JMJD1C: variants seen among roughly 807,000 people sequenced by gnomAD.
JMJD1C encodes jumonji domain-containing protein 1C.
In JMJD1C, 31 loss-of-function variants were observed where a neutral mutation model predicts 245.3. The ratio of observed to expected loss-of-function variants is 0.13; its 90% CI spans 0.09 to 0.17. The LOEUF (loss-of-function observed/expected upper bound fraction) is 0.17, where lower values mean the gene tolerates loss of function less well. JMJD1C is among the 10% of genes least tolerant of loss of function. JMJD1C has a pLI of 1.00. For synonymous variants in JMJD1C, 1,057 were observed against 1,017.4 expected, an observed-to-expected ratio of 1.04 and a Z score of -0.74; for missense variants, 2,691 against 3,000.2, an observed-to-expected ratio of 0.90 and a Z score of 2.41.
intron 1 of JMJD1C, among the ~76,000 whole-genome samples, chr10:63,384,877 T>A (rs1201073766): frequency 6.6e-6 from 1 of 152,184 alleles, no homozygotes; most frequent in African/African-American, 2.4e-5. Context: ...CAAAAGCTGT[T>A]CCTTGGCAAT....
At chr10:63,287,042 C>G (rs1858069278) in intron 2 of JMJD1C, among the ~76,000 whole-genome samples, 1 of 152,106 alleles carries the variant, frequency 6.6e-6, no homozygotes, top group South Asian at 2.1e-4. Context: ...GAGATCTTGT[C>G]TCTACAAAAA....
rs149629089 is a variant in JMJD1C, at chr10:63,180,356, T to C, written c.7085-2500A>G. On this transcript the variant is annotated intron_variant, in intron 22 of 25. Coordinates refer to ENST00000399262, the MANE Select transcript of JMJD1C (RefSeq NM_032776.3). ...ATGTGCGAGGCACTGTCCTAGGAAG[T>C]TGGGAATTAGAATTAAGAAAGATCC... is the stretch of plus-strand genomic sequence containing the variant. Among the ~76,000 whole-genome samples the C allele has an allele frequency of 3.2e-3, 492 of 152,242 alleles. 3 individuals carry two copies. Among genetic ancestry groups the C allele is most frequent in the African/African-American group, 0.011 (476 of 41,526 alleles).
chr10:63,263,984 A>G (rs9414784), intron 3 of JMJD1C, among the ~76,000 whole-genome samples: 1 of 112,662 alleles, frequency 8.9e-6, no homozygotes, highest in East Asian at 2.4e-4. Context: ...ACACACACAC[A>G]CACACACACA....
intron 3 of JMJD1C, among the ~76,000 whole-genome samples, chr10:63,257,312 G>C (rs774194693): frequency 6.6e-6 from 1 of 152,008 alleles, no homozygotes; most frequent in South Asian, 2.1e-4. Flanking sequence ...AAATGATCCT[G>C]GTTTTCCAAT....
chr10:63,173,438 C>A (rs1842577275), intron 24 of JMJD1C, among the ~76,000 whole-genome samples: 1 of 152,130 alleles, frequency 6.6e-6, no homozygotes, highest in African/African-American at 2.4e-5. Flanking sequence ...ATGGAAAAAA[C>A]CAGCCAGGTG....
At chr10:63,420,600 G>A (rs1030011753) in intron 1 of JMJD1C, among the ~76,000 whole-genome samples, 1 of 151,658 alleles carries the variant, frequency 6.6e-6, no homozygotes, top group South Asian at 2.1e-4. Context: ...AGCTACATGG[G>A]GGGTGGGGGG....
chr10:63,465,874 G>A lies in JMJD1C; in HGVS notation c.-212C>T, dbSNP rs570406599. 1 of 678,290 alleles carries A rather than the reference G, an allele frequency of 1.5e-6. No individual in the cohort carries two copies. The highest frequency in any genetic ancestry group is 2.7e-5 in the East Asian group (1 of 36,636). The allele number at this position is 678,290 out of a possible 1,614,324, so 42.0% of individuals were successfully genotyped here. A position where few individuals can be genotyped will look rare whatever the true frequency, so the allele number is the denominator to read the frequency against. On this transcript the variant is annotated 5_prime_UTR_variant, in exon 1 of 26. Coordinates refer to ENST00000399262, the MANE Select transcript of JMJD1C (RefSeq NM_032776.3). The stretch of plus-strand genomic sequence containing the variant: ...ACTCCTTTGGACTCCCAGATTCGCA[G>A]CCTTGTGCTGCAGCGCCACACAAGA...
chr10:63,422,663 G>T (rs958434912), intron 1 of JMJD1C, among the ~76,000 whole-genome samples: 1 of 152,094 alleles, frequency 6.6e-6, no homozygotes, highest in Non-Finnish European at 1.5e-5. Flanking sequence ...TACTTTTTGC[G>T]TAGAGAGCAT....
chr10:63,189,500 C>A (rs150004803), intron 17 of JMJD1C, 54 bp from the exon 18 acceptor site: 270 of 1,458,536 alleles, frequency 1.9e-4, no homozygotes, highest in Non-Finnish European at 2.4e-4. Context: ...AAATCAAATA[C>A]ATTTTCCTCC....
chr10:63,351,796 C>T (rs370354197), intron 2 of JMJD1C, among the ~76,000 whole-genome samples: 13 of 152,090 alleles, frequency 8.5e-5, no homozygotes, highest in Admixed American at 2.6e-4. Context: ...CGAGCAAATA[C>T]GGCTTAAAAA....
At position 63,186,327 on chromosome 10, in the gene JMJD1C, T is replaced by A. The variant is rs757110706; in HGVS notation, c.6627A>T (p.Glu2209Asp). ...GGTCTCCAAAATCAAGACTAATTGA[T>A]TCCGCCTTCCATAGGCTAATGTTCA... ...KKMNISLWKA[E>D]SISLDFGDHQ... Residue 2209 changes from glutamate (E) to aspartate (D), a missense_variant, in exon 19 of 26, where the codon GAA (glutamate) becomes GAT (aspartate). Physicochemically the swap from Glu to Asp is conservative, Grantham distance 45. Transcript: ENST00000399262. The A allele has an allele frequency of 6.2e-7, 1 of 1,613,626 alleles. No individual in the cohort carries two copies. Among genetic ancestry groups the A allele is most frequent in the East Asian group, 2.2e-5 (1 of 44,882 alleles).
At chr10:63,510,162 C>A (rs1954833039) in intron 1 of JMJD1C, among the ~76,000 whole-genome samples, 1 of 152,002 alleles carries the variant, frequency 6.6e-6, no homozygotes, top group Non-Finnish European at 1.5e-5. Context: ...CACCACCACG[C>A]CCGGATAATT....
Position 63,369,405 on chromosome 10 carries a change from A to G in JMJD1C, c.333+10913T>C, listed in dbSNP as rs76197578. Among the ~76,000 whole-genome samples the G allele has an allele frequency of 9.2e-3, 1,404 of 152,248 alleles. 18 individuals carry two copies. Among genetic ancestry groups the G allele is most frequent in the African/African-American group, 0.031 (1,285 of 41,534 alleles). On this transcript the variant is annotated intron_variant, in intron 2 of 25. Transcript: ENST00000399262. ...GATACCCCCCACCTCAGCCTCCCAA[A>G]GTGCTGGGATTACAGGCGTTTGCTA...
At chr10:63,254,291 C>T (rs544891310) in intron 3 of JMJD1C, among the ~76,000 whole-genome samples, 1 of 152,052 alleles carries the variant, frequency 6.6e-6, no homozygotes, top group East Asian at 1.9e-4. Context: ...GCCGAGGGAA[C>T]AAATGAATCT....
chr10:63,193,591 T>C (rs73288497), intron 14 of JMJD1C, 119 bp from the exon 15 acceptor site: 14,637 of 601,822 alleles, frequency 0.024, 1,039 homozygotes, highest in African/African-American at 0.19. Context: ...TTGTGCCCTT[T>C]AAATTTCTTC....
At chr10:63,309,885 C>T (rs571270227) in intron 2 of JMJD1C, among the ~76,000 whole-genome samples, 2 of 152,240 alleles carry the variant, frequency 1.3e-5, no homozygotes, top group East Asian at 3.9e-4. Flanking sequence ...CCATTGCACT[C>T]CAGCCTGGGC....
chr10:63,370,018 T>C (rs1405977716), intron 2 of JMJD1C, among the ~76,000 whole-genome samples: 1 of 152,186 alleles, frequency 6.6e-6, no homozygotes, highest in Non-Finnish European at 1.5e-5. Context: ...GTATGTGATT[T>C]TGAGCCCCAG....
chr10:63,186,398 A>G lies in JMJD1C; in HGVS notation c.6571-15T>C, dbSNP rs375459573. 1.3e-4 allele frequency: 198 copies of G among 1,561,686 alleles called. 1 individual carries two copies. In the African/African-American group the frequency reaches 2.4e-3, roughly 19 times the overall value. ...ACCACTGCAGGCTTATAAATAGATA[A>G]ATAAATAACAGTTAAAAGATATATA... On this transcript the variant is annotated splice_polypyrimidine_tract_variant and intron_variant, in intron 18 of 25. Coordinates refer to ENST00000399262, the MANE Select transcript of JMJD1C (RefSeq NM_032776.3).
chr10:63,370,368 T>G (rs535260045), intron 2 of JMJD1C, among the ~76,000 whole-genome samples: 1 of 152,334 alleles, frequency 6.6e-6, no homozygotes, highest in Admixed American at 6.5e-5. Context: ...CTCACTGCAG[T>G]GCTATACTGA....
Sources: allele counts gnomAD v4.1 joint callset (sites outside exome capture counted in the v4.1 genomes callset), GRCh38; gene constraint gnomAD v4.1.1; transcripts MANE v1.5; gene names NCBI Gene and HGNC (gene_info 2026-07-23, HGNC 2026-07-21).